C9orf72: variants seen among roughly 807,000 people sequenced by gnomAD.
The protein encoded by C9orf72 is guanine nucleotide exchange factor C9orf72.
A neutral mutation model predicts 51.6 loss-of-function variants in C9orf72; 44 were observed. That is an observed-to-expected ratio of 0.85 (90% CI 0.67 to 1.10). The LOEUF (loss-of-function observed/expected upper bound fraction) is 1.10, where lower values mean the gene tolerates loss of function less well. C9orf72 is among the 50% of genes least tolerant of loss of function. The pLI, the probability that C9orf72 is intolerant of heterozygous loss-of-function variation, is 0.00. For synonymous variants in C9orf72, 213 were observed against 194.2 expected (o/e 1.10, Z -0.81); for missense variants, 607 against 570.6 (o/e 1.06, Z -0.65).
In C9orf72 at chr9:27,562,392, C is replaced by CAGA. The variant is rs760314365; in HGVS notation, c.588_589insTCT (p.Pro196_Glu197insSer). 9 of 1,576,530 alleles carry CAGA rather than the reference C, an allele frequency of 5.7e-6. No individual in the cohort carries two copies. In the East Asian group the frequency reaches 2.1e-4, roughly 36 times the overall value. On this transcript the variant is annotated inframe_insertion, in exon 4 of 11. Coordinates refer to ENST00000380003, the MANE Select transcript of C9orf72 (RefSeq NM_018325.5). ...TCATTTAAACTTACATCTATTTCTT[C>CAGA]AGGAACACTGTGTGATTTCATAGAT... is the stretch of plus-strand genomic sequence containing the variant.
At chr9:27,554,786 C>T (rs896676805) in intron 8 of C9orf72, among the ~76,000 whole-genome samples, 1 of 152,070 alleles carries the variant, frequency 6.6e-6, no homozygotes, top group African/African-American at 2.4e-5. Context: ...AGACTTAACA[C>T]ACAATCTAGT....
At position 27,568,086 on chromosome 9, in the gene C9orf72, C is replaced by CAAAA. The variant is rs11418499; in HGVS notation, c.-44-926_-44-923dup. Among the ~76,000 whole-genome samples the CAAAA allele has an allele frequency of 3.7e-3, 301 of 80,478 alleles. 7 individuals carry two copies. Among genetic ancestry groups the CAAAA allele is most frequent in the Non-Finnish European group, 4.4e-3 (191 of 43,102 alleles). The allele number at this position is 80,478 out of a possible 152,430, so 52.8% of individuals were successfully genotyped here. On this transcript the variant is annotated intron_variant, in intron 1 of 10. Coordinates refer to ENST00000380003, the MANE Select transcript of C9orf72 (RefSeq NM_018325.5). Reference sequence around the variant, plus strand: ...AAATACTTTAAAGCCGCTAAAAGGTCAAAAAAAAAAAAAAAAAAAAAGACA... The same window carrying CAAAA: ...AAATACTTTAAAGCCGCTAAAAGGTCAAAAAAAAAAAAAAAAAAAAAAAAAGACA...
At chr9:27,554,620 A>G (rs964944455) in intron 8 of C9orf72, 3 of 398,426 alleles carry the variant, frequency 7.5e-6, no homozygotes, top group African/African-American at 6.2e-5. Flanking sequence ...ACATGTACAC[A>G]TGAACCTAAA....
In C9orf72 at chr9:27,565,533, G is replaced by C; in HGVS notation, c.502C>G (p.Gln168Glu). The C allele has an allele frequency of 6.3e-7, 1 of 1,594,684 alleles. No homozygotes were observed. Among genetic ancestry groups the C allele is most frequent in the Non-Finnish European group, 8.6e-7 (1 of 1,164,150 alleles). ...GACAGTATGCAATTTGCATATACCTGATCTTCCATTCTCTCTGTGCCTTCT... is the reference window on the plus strand; with the variant it reads ...GACAGTATGCAATTTGCATATACCTCATCTTCCATTCTCTCTGTGCCTTCT... ...ILEGTERMED[Q>E]GQSIIPMLTG... Residue 168 changes from glutamine (Q) to glutamate (E), a missense_variant and splice_region_variant, in exon 3 of 11, where the codon CAG becomes GAG. By Grantham distance (29) the Gln-to-Glu change is conservative. Coordinates refer to ENST00000380003, the MANE Select transcript of C9orf72 (RefSeq NM_018325.5).
chr9:27,565,549 T>G lies in C9orf72; in HGVS notation c.486A>C (p.Thr162=). Residue 162 remains threonine, a synonymous_variant, in exon 3 of 11, where the codon ACA becomes ACC. Coordinates refer to ENST00000380003, the MANE Select transcript of C9orf72 (RefSeq NM_018325.5). ...ENVQKIILEG[T]ERMEDQGQSI... is the part of the protein sequence containing the mutation. Reference sequence around the variant, plus strand: ...CATATACCTGATCTTCCATTCTCTCTGTGCCTTCTAAGATAATCTTCTGGA... The same window carrying G: ...CATATACCTGATCTTCCATTCTCTCGGTGCCTTCTAAGATAATCTTCTGGA... The G allele has an allele frequency of 6.2e-7, 1 of 1,606,430 alleles. No homozygotes were observed. Among genetic ancestry groups the G allele is most frequent in the Non-Finnish European group, 8.5e-7 (1 of 1,175,034 alleles).
chr9:27,548,265 G>A lies in C9orf72; in HGVS notation c.1417C>T (p.Gln473Ter), dbSNP rs1476819864. Residue 473 changes from glutamine (Q) to a stop codon, truncating the protein, a stop_gained, in exon 11 of 11, where the codon CAA (glutamine) becomes TAA (stop). Transcript: ENST00000380003. LOFTEE classifies it high-confidence loss of function. Reference sequence around the variant, plus strand: ...AAAGTCATTAGAACATCTCGTTCTTGCACACTAGTGTAGAAAGGTCTTCCA... The same window carrying A: ...AAAGTCATTAGAACATCTCGTTCTTACACACTAGTGTAGAAAGGTCTTCCA... ...IFGRPFYTSV[Q>*]ERDVLMTF The A allele has an allele frequency of 3.7e-6, 6 of 1,609,864 alleles. No individual in the cohort carries two copies. In the South Asian group the frequency reaches 6.6e-5, roughly 18 times the overall value.
intron 1 of C9orf72, among the ~76,000 whole-genome samples, chr9:27,570,566 A>G (rs943095149): frequency 2.6e-5 from 4 of 152,074 alleles, no homozygotes; most frequent in African/African-American, 9.7e-5. Context: ...CTCCTAACAG[A>G]ATAAGAAAAA....
At chr9:27,554,974 A>T (rs1820980247) in intron 8 of C9orf72, among the ~76,000 whole-genome samples, 1 of 152,232 alleles carries the variant, frequency 6.6e-6, no homozygotes, top group East Asian at 1.9e-4. Flanking sequence ...AAGAAATGTT[A>T]AAATACACAT....
At chr9:27,558,384 A>G in intron 7 of C9orf72, 107 bp downstream of exon 7, 1 of 714,350 alleles carries the variant, frequency 1.4e-6, no homozygotes, top group South Asian at 1.5e-5. Context: ...GTCTCTGGGC[A>G]TGTCAATATG....
At chr9:27,552,168 G>A (rs938725386) in intron 8 of C9orf72, among the ~76,000 whole-genome samples, 3 of 152,094 alleles carry the variant, frequency 2.0e-5, no homozygotes, top group Admixed American at 1.3e-4. Flanking sequence ...CTCTGGCTAG[G>A]ACTTCCAGAA....
intron 9 of C9orf72, among the ~76,000 whole-genome samples, chr9:27,550,182 A>G (rs1424067710): frequency 6.6e-6 from 1 of 150,730 alleles, no homozygotes; most frequent in African/African-American, 2.4e-5. Flanking sequence ...CTCGTACTAT[A>G]TATATATACA....
intron 3 of C9orf72, among the ~76,000 whole-genome samples, chr9:27,563,631 T>C (rs1234769141): frequency 6.6e-6 from 1 of 152,152 alleles, no homozygotes; most frequent in Non-Finnish European, 1.5e-5. Flanking sequence ...GGAGTAACCT[T>C]AACCAGTTTT....
chr9:27,551,598 C>T (rs1333085588), intron 8 of C9orf72, among the ~76,000 whole-genome samples: 1 of 152,160 alleles, frequency 6.6e-6, no homozygotes, highest in Non-Finnish European at 1.5e-5. Context: ...GTTCAAGTTT[C>T]CTTATCTTAA....
chr9:27,559,117 T>C (rs1272351739), intron 6 of C9orf72: 1 of 152,324 alleles, frequency 6.6e-6, no homozygotes, highest in African/African-American at 2.4e-5. Context: ...TAAAAAGGCA[T>C]GTAACTATCT....
At chr9:27,567,232 T>G (rs1819490674) in intron 1 of C9orf72, 68 bp from the exon 2 acceptor site, 1 of 899,830 alleles carries the variant, frequency 1.1e-6, no homozygotes, top group Admixed American at 2.6e-5. Context: ...AAACCCCAAA[T>G]GATTTAGACA....
In C9orf72 at chr9:27,570,585, G is replaced by A. The variant is rs139691959; in HGVS notation, c.-45+2846C>T. ...TAACAGAATAAGAAAAAAAAAATGG[G>A]CCGGGCATGGTGGGTCACACCTGTT... On this transcript the variant is annotated intron_variant, in intron 1 of 10. Coordinates refer to ENST00000380003, the MANE Select transcript of C9orf72 (RefSeq NM_018325.5). 6.9e-3 allele frequency among the ~76,000 whole-genome samples: 1,045 copies of A among 152,192 alleles called. 10 individuals carry two copies. The highest frequency in any genetic ancestry group is 0.024 in the African/African-American group (988 of 41,520).
chr9:27,548,572 T>C lies in C9orf72; in HGVS notation c.1244A>G (p.Tyr415Cys). ...TTTTACTCACGTATCGTCTTCTATA[T>C]ATTTTATTAGTGTCAAGGCTTTTCT... ...LHRKALTLIK[Y>C]IEDDTQKGKK... Residue 415 changes from tyrosine to cysteine, a missense_variant, in exon 10 of 11, where the codon TAT becomes TGT. Tyr to Cys is a radical substitution (Grantham distance 194). Coordinates refer to ENST00000380003, the MANE Select transcript of C9orf72 (RefSeq NM_018325.5). 1.3e-6 allele frequency: 2 copies of C among 1,593,652 alleles called. No homozygotes were observed. The highest frequency in any genetic ancestry group is 2.2e-5 in the South Asian group (2 of 90,654).
intron 1 of C9orf72, among the ~76,000 whole-genome samples, chr9:27,571,956 G>C (rs1819595519): frequency 6.6e-6 from 1 of 152,128 alleles, no homozygotes; most frequent in Admixed American, 6.5e-5. Flanking sequence ...TCACTATCTG[G>C]CCATTTCTCA....
chr9:27,570,008 T>C (rs1210406327), intron 1 of C9orf72, among the ~76,000 whole-genome samples: 2 of 152,240 alleles, frequency 1.3e-5, no homozygotes, highest in African/African-American at 4.8e-5. Flanking sequence ...ATACAGAGCC[T>C]GGCAAAACAG....
Sources: gnomAD v4.1 joint callset for allele counts (sites outside exome capture counted in the v4.1 genomes callset) on GRCh38, gnomAD v4.1.1 for gene constraint, MANE v1.5 for transcripts, NCBI Gene and HGNC (gene_info 2026-07-23, HGNC 2026-07-21) for gene names.